PTPRG: variants seen among roughly 807,000 people sequenced by gnomAD.
PTPRG encodes protein tyrosine phosphatase receptor type G, also known as receptor-type tyrosine-protein phosphatase gamma.
In PTPRG, 102 loss-of-function variants were observed where a neutral mutation model predicts 165.3. The ratio of observed to expected loss-of-function variants is 0.62; its 90% CI spans 0.53 to 0.73. The LOEUF (loss-of-function observed/expected upper bound fraction) is 0.73, where lower values mean the gene tolerates loss of function less well. Ranked by LOEUF, PTPRG falls within the 30% of genes least tolerant of loss-of-function variation. PTPRG has a pLI of 0.00. For synonymous variants in PTPRG, 675 were observed against 669.5 expected, an observed-to-expected ratio of 1.01 and a Z score of -0.13; for missense variants, 1,866 against 1,861.4, an observed-to-expected ratio of 1.00 and a Z score of -0.05.
chr3:61,785,245 A>G (rs866870341), intron 2 of PTPRG, among the ~76,000 whole-genome samples: 7 of 152,198 alleles, frequency 4.6e-5, no homozygotes, highest in Non-Finnish European at 1.0e-4. Context: ...GGAGATATAC[A>G]TACTTTTTAA....
chr3:61,932,627 C>T lies in PTPRG; in HGVS notation c.191-56998C>T, dbSNP rs138721068. 5.1e-4 allele frequency among the ~76,000 whole-genome samples: 77 copies of T among 152,248 alleles called. 1 individual carries two copies. In the East Asian group the frequency reaches 6.9e-3, roughly 14 times the overall value. Reference sequence around the variant, plus strand: ...AGCTAGCATTGTAGTGCATTATATTCTCACTTCACAGCTGAGGGCATGGAA... The same window carrying T: ...AGCTAGCATTGTAGTGCATTATATTTTCACTTCACAGCTGAGGGCATGGAA... On this transcript the variant is annotated intron_variant, in intron 2 of 29. Coordinates refer to ENST00000474889, the MANE Select transcript of PTPRG (RefSeq NM_002841.4).
intron 2 of PTPRG, among the ~76,000 whole-genome samples, chr3:61,786,295 C>G (rs2034699680): frequency 6.6e-6 from 1 of 152,112 alleles, no homozygotes; most frequent in South Asian, 2.1e-4. Context: ...TTGATTATTC[C>G]TAGCTTTTAA....
In PTPRG at chr3:62,273,915, T is replaced by G; in HGVS notation, c.3465+71T>G. 6.8e-7 allele frequency: 1 copy of G among 1,467,832 alleles called. No individual in the cohort carries two copies. 90.9% of individuals were successfully genotyped at this position (1,467,832 alleles called of 1,614,324 possible). A position where few individuals can be genotyped will look rare whatever the true frequency, so the allele number is the denominator to read the frequency against. On this transcript the variant is annotated intron_variant, in intron 23 of 29. Transcript: ENST00000474889. This position sits in a 1 kb window ranked among gnomAD's most constrained non-coding sequence, Gnocchi z 4.1. The stretch of plus-strand genomic sequence containing the variant: ...TTAAATGCCTTGAGTTTGGGGGTTA[T>G]GTCTTCTTTGCATTAATGTATACAC...
intron 4 of PTPRG, among the ~76,000 whole-genome samples, chr3:62,038,549 C>T (rs1181639019): frequency 6.6e-6 from 1 of 152,196 alleles, no homozygotes; most frequent in African/African-American, 2.4e-5. Flanking sequence ...AGGCCCATGC[C>T]ACCACACTCA....
chr3:61,807,199 T>C (rs1463943049), intron 2 of PTPRG, among the ~76,000 whole-genome samples: 3 of 151,396 alleles, frequency 2.0e-5, no homozygotes, highest in African/African-American at 7.3e-5. Flanking sequence ...CATTCTACCA[T>C]TGGTCAGGGG....
intron 16 of PTPRG, among the ~76,000 whole-genome samples, chr3:62,260,326 ATTT>A (rs751651879): frequency 4.6e-5 from 7 of 152,116 alleles, no homozygotes; most frequent in Non-Finnish European, 7.4e-5. Context: ...TTGTTGCATT[ATTT>A]TTTTGAATTG....
intron 1 of PTPRG, among the ~76,000 whole-genome samples, chr3:61,633,576 A>G (rs1042361080): frequency 2.6e-5 from 4 of 152,232 alleles, no homozygotes; most frequent in East Asian, 1.9e-4. Context: ...GATCTCTGAT[A>G]GTATTTTTTG....
At chr3:62,090,856 G>A (rs957834889) in intron 5 of PTPRG, among the ~76,000 whole-genome samples, 2 of 152,130 alleles carry the variant, frequency 1.3e-5, no homozygotes, top group African/African-American at 4.8e-5. Context: ...TTGGAGTGAG[G>A]CGTCTATGTA....
chr3:61,899,402 G>GA (rs1476975546), intron 2 of PTPRG, among the ~76,000 whole-genome samples: 11 of 152,128 alleles, frequency 7.2e-5, no homozygotes, highest in South Asian at 2.1e-4. Flanking sequence ...ATATTTTCAG[G>GA]AAAAAATCCA....
intron 1 of PTPRG, among the ~76,000 whole-genome samples, chr3:61,651,876 G>C (rs1702363540): frequency 1.3e-5 from 2 of 152,070 alleles, no homozygotes; most frequent in Non-Finnish European, 2.9e-5. Context: ...CGGGCATGGT[G>C]ACACACACCT....
chr3:61,696,675 C>T (rs950504296), intron 1 of PTPRG, among the ~76,000 whole-genome samples: 6 of 152,136 alleles, frequency 3.9e-5, no homozygotes, highest in African/African-American at 1.4e-4. Flanking sequence ...AGCAGGTAAC[C>T]GGATCTGAGA....
rs1440955435 is a variant in PTPRG, at chr3:61,562,044, C to T, written c.-244C>T. The T allele has an allele frequency of 3.9e-6, 2 of 512,844 alleles. No individual in the cohort carries two copies. The highest frequency in any genetic ancestry group is 7.0e-6 in the Non-Finnish European group (2 of 287,198). 31.8% of individuals were successfully genotyped at this position (512,844 alleles called of 1,614,324 possible). On this transcript the variant is annotated 5_prime_UTR_variant, in exon 1 of 30. Coordinates refer to ENST00000474889, the MANE Select transcript of PTPRG (RefSeq NM_002841.4). ...TCTCTCCTTTTTAAACGGAAAGCAG[C>T]CTTTCTCCGCCGAGAGGATCGTCCC...
intron 1 of PTPRG, among the ~76,000 whole-genome samples, chr3:61,744,819 T>C (rs1183006761): frequency 2.1e-5 from 2 of 96,956 alleles, no homozygotes; most frequent in East Asian, 4.1e-4. Context: ...GAATTGCTTA[T>C]TGGTTACTCA....
In PTPRG at chr3:62,273,363, G is replaced by T. The variant is rs1375500670; in HGVS notation, c.3318+282G>T. Among the ~76,000 whole-genome samples, 2 of 152,136 alleles carry T rather than the reference G, an allele frequency of 1.3e-5. No homozygotes were observed. The highest frequency in any genetic ancestry group is 4.8e-5 in the African/African-American group (2 of 41,412). On this transcript the variant is annotated intron_variant, in intron 22 of 29. Coordinates refer to ENST00000474889, the MANE Select transcript of PTPRG (RefSeq NM_002841.4). This position sits in a 1 kb window ranked among gnomAD's most constrained non-coding sequence, Gnocchi z 4.1. ...GATGGTAGGGGGAGTTAAACATGTT[G>T]TCTGGCCTGAGAAATACATAGGAGA... is the stretch of plus-strand genomic sequence containing the variant.
At chr3:61,648,781 T>C (rs1702272936) in intron 1 of PTPRG, among the ~76,000 whole-genome samples, 1 of 152,248 alleles carries the variant, frequency 6.6e-6, no homozygotes, top group Non-Finnish European at 1.5e-5. Context: ...CCCAAGAGAA[T>C]GTTTTCTGTG....
intron 9 of PTPRG, among the ~76,000 whole-genome samples, chr3:62,194,589 G>A (rs545110576): frequency 4.6e-5 from 7 of 152,250 alleles, no homozygotes; most frequent in African/African-American, 1.4e-4. Flanking sequence ...AGGCTGAGGC[G>A]GGCAGATGAT....
intron 2 of PTPRG, among the ~76,000 whole-genome samples, chr3:61,802,550 G>C (rs1030856295): frequency 1.1e-4 from 16 of 152,220 alleles, no homozygotes; most frequent in Non-Finnish European, 1.8e-4. Flanking sequence ...TGCAGGCCTA[G>C]TTTGCTTCAT....
chr3:62,209,082 G>A (rs995713638), intron 12 of PTPRG, among the ~76,000 whole-genome samples: 7 of 152,224 alleles, frequency 4.6e-5, no homozygotes, highest in African/African-American at 1.7e-4. Context: ...TTCAGATGCA[G>A]TATTAATTAA....
chr3:61,712,850 T>C (rs900898678), intron 1 of PTPRG, among the ~76,000 whole-genome samples: 1 of 152,226 alleles, frequency 6.6e-6, no homozygotes, highest in Non-Finnish European at 1.5e-5. Flanking sequence ...AGGTCATATA[T>C]AGCAGCTTCT....
Sources: gnomAD v4.1 joint callset for allele counts (sites outside exome capture counted in the v4.1 genomes callset) on GRCh38, gnomAD v4.1.1 for gene constraint, Gnocchi (gnomAD v3.1) non-coding constraint, MANE v1.5 for transcripts, NCBI Gene and HGNC (gene_info 2026-07-23, HGNC 2026-07-21) for gene names.